E4F1: variants seen among roughly 807,000 people sequenced by gnomAD.
E4F1 encodes the protein E4F transcription factor 1, also known as transcription factor E4F1.
E4F1 carries 30 observed loss-of-function variants against 72.9 expected under a neutral mutation model. The observed-to-expected ratio is 0.41, with a 90% CI of 0.31 to 0.56. The LOEUF (loss-of-function observed/expected upper bound fraction) is 0.56. E4F1 is among the 20% of genes least tolerant of loss of function. E4F1 has a pLI of 0.25. For synonymous variants in E4F1, 542 were observed against 478.2 expected (o/e 1.13, Z -1.74); for missense variants, 1,091 against 1,117.5 (o/e 0.98, Z 0.34).
rs2241070 is a variant in E4F1, at chr16:2,228,508, G to C, written c.294G>C (p.Ala98=). 2 of 1,612,578 alleles carry C rather than the reference G, an allele frequency of 1.2e-6. No individual in the cohort carries two copies. Among genetic ancestry groups the C allele is most frequent in the Admixed American group, 3.3e-5 (2 of 59,990 alleles). ...TGCCTGCCACCCCTGCCACCACAGC[G>C]TTGCTGGGCCAGGAGGTGAGCCCTC... ...EALPATPATT[A]LLGQEVVPAA... The change falls in exon 2 of 14, where the codon GCG becomes GCC. Residue 98 remains alanine (A), a synonymous_variant. Coordinates refer to ENST00000301727, the MANE Select transcript of E4F1 (RefSeq NM_004424.5).
chr16:2,233,877 C>T lies in E4F1; in HGVS notation c.1267-5C>T, dbSNP rs2093484808. 2 of 1,583,190 alleles carry T rather than the reference C, an allele frequency of 1.3e-6. No individual in the cohort carries two copies. The highest frequency in any genetic ancestry group is 1.3e-5 in the African/African-American group (1 of 74,410). ...GGTGCTGGAGACCTTCCTGTGGTTC[C>T]CCAGCAGGTGGCCAGCGAGGCCTCA... On this transcript the variant is annotated splice_region_variant and splice_polypyrimidine_tract_variant and intron_variant, in intron 8 of 13. Coordinates refer to ENST00000301727, the MANE Select transcript of E4F1 (RefSeq NM_004424.5).
rs746078819 is a variant in E4F1 at position 2,234,929 on chromosome 16, C to T, written c.1863C>T (p.Leu621=). The T allele has an allele frequency of 6.4e-7, 1 of 1,564,480 alleles. No individual in the cohort carries two copies. The highest frequency in any genetic ancestry group is 8.7e-7 in the Non-Finnish European group (1 of 1,154,434). The stretch of plus-strand genomic sequence containing the variant: ...GCCCCGCGGCAGCCACCACCGTCCT[C>T]ACGGAAGACCCGCACACAGTGTTGG... ...EDSPAAATTV[L]TEDPHTVLVE... Residue 621 remains leucine, a synonymous_variant, in exon 12 of 14, where the codon CTC becomes CTT. Coordinates refer to ENST00000301727, the MANE Select transcript of E4F1 (RefSeq NM_004424.5).
intron 3 of E4F1, 81 bp downstream of exon 3, chr16:2,229,756 C>T (rs2093455508): frequency 1.4e-6 from 2 of 1,464,212 alleles, no homozygotes; most frequent in Admixed American, 3.5e-5. Flanking sequence ...TGCCTGTATG[C>T]TCGTCTCTCC....
chr16:2,233,368 G>A lies in E4F1; in HGVS notation c.1057-70G>A, dbSNP rs924809446. The A allele has an allele frequency of 4.8e-6, 7 of 1,445,840 alleles. No individual in the cohort carries two copies. In the East Asian group the frequency reaches 7.3e-5, roughly 15 times the overall value. 89.6% of individuals were successfully genotyped at this position (1,445,840 alleles called of 1,614,324 possible). On this transcript the variant is annotated intron_variant, in intron 7 of 13. Transcript: ENST00000301727. Reference sequence around the variant, plus strand: ...GGTTTGCACAAGGCTCCTGGCGTGCGTCTGCCCCATGGGGTGGGTGCTGGA... The same window carrying A: ...GGTTTGCACAAGGCTCCTGGCGTGCATCTGCCCCATGGGGTGGGTGCTGGA...
At chr16:2,223,914 T>C in intron 1 of E4F1, 144 bp downstream of exon 1, 1 of 1,530,844 alleles carries the variant, frequency 6.5e-7, no homozygotes, top group Non-Finnish European at 8.7e-7. Context: ...CTCACAGCCC[T>C]CCACGAAACC....
At chr16:2,234,133 G>A (rs756353590) in intron 9 of E4F1, 38 bp from the exon 10 acceptor site, 14 of 1,601,814 alleles carry the variant, frequency 8.7e-6, no homozygotes, top group South Asian at 5.5e-5. Flanking sequence ...GCGGGCCCGC[G>A]GGTGATGGGC....
At chr16:2,226,088 G>A (rs3096278) in intron 1 of E4F1, among the ~76,000 whole-genome samples, 12,812 of 151,670 alleles carry the variant, frequency 0.084, 1,754 homozygotes, top group African/African-American at 0.29. Flanking sequence ...GCGAGACTCC[G>A]CCTTGAAAGA....
At chr16:2,223,902 C>T (rs983197272) in intron 1 of E4F1, 132 bp downstream of exon 1, 5 of 1,531,872 alleles carry the variant, frequency 3.3e-6, no homozygotes, top group Admixed American at 2.0e-5. Flanking sequence ...TCTCGCGGGA[C>T]CCTCACAGCC....
Position 2,226,213 on chromosome 16 carries a change from C to A in E4F1, c.158-2159C>A, listed in dbSNP as rs538862711. On this transcript the variant is annotated intron_variant, in intron 1 of 13. Transcript: ENST00000301727. ...TCATAGTCTCTGCCTTTTTTCCTTGCCCCTTCTCGTTCCAGCTTGGAGAAG... is the reference window on the plus strand; with the variant it reads ...TCATAGTCTCTGCCTTTTTTCCTTGACCCTTCTCGTTCCAGCTTGGAGAAG... 1.2e-4 allele frequency among the ~76,000 whole-genome samples: 18 copies of A among 152,216 alleles called. No individual in the cohort carries two copies. The South Asian group carries it at 3.5e-3, about 30-fold the overall frequency.
intron 1 of E4F1, among the ~76,000 whole-genome samples, chr16:2,226,966 C>T (rs565109546): frequency 3.3e-5 from 5 of 152,372 alleles, no homozygotes; most frequent in East Asian, 1.9e-4. Context: ...GGCCCCAGCC[C>T]ATTTTACAGA....
At chr16:2,234,479 A>G (rs1036275204) in intron 10 of E4F1, 91 bp downstream of exon 10, 40 of 1,569,058 alleles carry the variant, frequency 2.5e-5, no homozygotes, top group Non-Finnish European at 3.2e-5. Flanking sequence ...TGCCTCCACC[A>G]TGCTCAGTCT....
intron 3 of E4F1, 128 bp from the exon 4 acceptor site, chr16:2,232,043 G>C (rs2093470609): frequency 1.7e-6 from 2 of 1,189,906 alleles, no homozygotes; most frequent in Non-Finnish European, 2.4e-6. Context: ...CCTGTGTGTT[G>C]AGGGCTCAGT....
intron 3 of E4F1, chr16:2,230,345 AG>A (rs1470468234): frequency 6.5e-6 from 1 of 152,940 alleles, no homozygotes; most frequent in Non-Finnish European, 1.5e-5. Context: ...ATGCTTGTGC[AG>A]GGGGGCATTC....
intron 1 of E4F1, chr16:2,223,987 G>T: frequency 6.7e-7 from 1 of 1,494,196 alleles, no homozygotes; most frequent in Non-Finnish European, 8.9e-7. Context: ...CCCCTCTCTG[G>T]TGTGCGTCCA....
Position 2,234,238 on chromosome 16 carries a change from C to T in E4F1, c.1443C>T (p.His481=). The change falls in exon 10 of 14, where the codon CAC becomes CAT. Residue 481 remains histidine (H), a synonymous_variant. Transcript: ENST00000301727. ...AFPKAYLLKK[H]QEVHVRERRF... ...CCAAGGCCTACCTGCTCAAGAAGCA[C>T]CAGGAGGTGCACGTGCGTGAGCGCC... The T allele has an allele frequency of 1.2e-6, 2 of 1,612,854 alleles. No homozygotes were observed. Among genetic ancestry groups the T allele is most frequent in the South Asian group, 1.1e-5 (1 of 91,092 alleles).
At chr16:2,227,662 G>T (rs141164372) in intron 1 of E4F1, among the ~76,000 whole-genome samples, 1 of 151,834 alleles carries the variant, frequency 6.6e-6, no homozygotes, top group Non-Finnish European at 1.5e-5. Flanking sequence ...ATGAGCCACC[G>T]CCCTAATTTT....
chr16:2,233,811 A>C, intron 8 of E4F1, 71 bp from the exon 9 acceptor site: 1 of 1,451,256 alleles, frequency 6.9e-7, no homozygotes, highest in Non-Finnish European at 9.3e-7. Flanking sequence ...GGTGGGGCCC[A>C]TGGTTGTGTT....
At chr16:2,227,335 G>A (rs1290702994) in intron 1 of E4F1, among the ~76,000 whole-genome samples, 1 of 152,032 alleles carries the variant, frequency 6.6e-6, no homozygotes, top group Non-Finnish European at 1.5e-5. Flanking sequence ...TCAGCCTCTC[G>A]AATAGCTGGG....
chr16:2,235,464 C>G lies in E4F1; in HGVS notation c.2247C>G (p.Ala749=). Residue 749 remains alanine, a synonymous_variant, in exon 14 of 14, where the codon GCC becomes GCG. Coordinates refer to ENST00000301727, the MANE Select transcript of E4F1 (RefSeq NM_004424.5). ...CAGGGACAAGTGGCACTGAACAGGC[C>G]ACTGTGACCATGGTGTCATCAGAGG... ...ARAGTSGTEQ[A]TVTMVSSEDI... The G allele has an allele frequency of 6.2e-7, 1 of 1,612,584 alleles. No homozygotes were observed. Among genetic ancestry groups the G allele is most frequent in the Non-Finnish European group, 8.5e-7 (1 of 1,179,800 alleles).
Sources: gnomAD v4.1 joint callset for allele counts (sites outside exome capture counted in the v4.1 genomes callset) on GRCh38, gnomAD v4.1.1 for gene constraint, MANE v1.5 for transcripts, NCBI Gene and HGNC (gene_info 2026-07-23, HGNC 2026-07-21) for gene names.